IQCM: variants seen among roughly 807,000 people sequenced by gnomAD.
IQCM encodes IQ motif containing M, also known as IQ domain-containing protein M.
IQCM carries 45 observed loss-of-function variants against 57.6 expected under a neutral mutation model. That is an observed-to-expected ratio of 0.78 (90% CI 0.62 to 1.00). IQCM has a LOEUF of 1.00. Ranked by LOEUF, IQCM falls within the 50% of genes least tolerant of loss-of-function variation. IQCM has a pLI of 0.00. For missense variants in IQCM, 468 were observed against 511.6 expected (o/e 0.91, Z 0.82); for synonymous variants, 148 against 158.9 (o/e 0.93, Z 0.51).
intron 7 of IQCM, among the ~76,000 whole-genome samples, chr4:149,665,156 G>C (rs1760600250): frequency 1.3e-5 from 2 of 152,076 alleles, no homozygotes; most frequent in Admixed American, 1.3e-4. Context: ...TCTGGTAGTA[G>C]GTCCAGCTTC....
chr4:149,752,820 TAAAAA>T (rs1768583669), intron 2 of IQCM, among the ~76,000 whole-genome samples: 4 of 152,018 alleles, frequency 2.6e-5, no homozygotes. Context: ...AATGACTAGC[TAAAAA>T]GAGGTAGAAA....
At chr4:149,807,352 A>G (rs1442227545) in intron 2 of IQCM, among the ~76,000 whole-genome samples, 1 of 152,046 alleles carries the variant, frequency 6.6e-6, no homozygotes, top group Non-Finnish European at 1.5e-5. Flanking sequence ...TTTTAAATAA[A>G]TTGTGCTGGG....
intron 12 of IQCM, among the ~76,000 whole-genome samples, chr4:149,498,280 T>C (rs1028535199): frequency 2.0e-5 from 3 of 152,064 alleles, no homozygotes; most frequent in African/African-American, 7.2e-5. Context: ...GAGACCAACA[T>C]TTTATTTCTG....
chr4:149,795,969 T>C (rs1773072169), intron 2 of IQCM, among the ~76,000 whole-genome samples: 1 of 152,178 alleles, frequency 6.6e-6, no homozygotes, highest in African/African-American at 2.4e-5. Flanking sequence ...CTCTGAGACT[T>C]GCTGGCTCTA....
chr4:149,355,782 T>A (rs1326850496), intron 13 of IQCM, among the ~76,000 whole-genome samples: 3 of 152,150 alleles, frequency 2.0e-5, no homozygotes, highest in Non-Finnish European at 4.4e-5. Flanking sequence ...CTGGGTCAAA[T>A]GGTATTTCTA....
intron 5 of IQCM, among the ~76,000 whole-genome samples, chr4:149,722,840 G>GTAATT (rs1399823884): frequency 6.6e-6 from 1 of 151,970 alleles, no homozygotes; most frequent in East Asian, 1.9e-4. Context: ...AAAGATATTA[G>GTAATT]TAATTTTATC....
At chr4:149,560,149 TTTG>T (rs1429373000) in intron 10 of IQCM, among the ~76,000 whole-genome samples, 1 of 152,194 alleles carries the variant, frequency 6.6e-6, no homozygotes, top group Non-Finnish European at 1.5e-5. Context: ...AGATTCAGAT[TTTG>T]TTATTATTTC....
At chr4:149,685,520 T>G (rs1762485409) in intron 6 of IQCM, among the ~76,000 whole-genome samples, 1 of 151,462 alleles carries the variant, frequency 6.6e-6, no homozygotes. Context: ...GCCAAGAAAG[T>G]GGTTACCCTG....
At chr4:149,507,069 C>T (rs773928817) in intron 12 of IQCM, among the ~76,000 whole-genome samples, 28 of 152,202 alleles carry the variant, frequency 1.8e-4, no homozygotes, top group African/African-American at 5.8e-4. Flanking sequence ...AGTTTTCTTG[C>T]GCAAGCTTTC....
intron 6 of IQCM, 114 bp downstream of exon 6, chr4:149,686,264 T>C (rs778722002): frequency 2.3e-6 from 1 of 431,556 alleles, no homozygotes. Flanking sequence ...ATAAATTAGC[T>C]TCATGTATGG....
At chr4:149,612,875 C>T (rs557458830) in intron 8 of IQCM, among the ~76,000 whole-genome samples, 1 of 151,822 alleles carries the variant, frequency 6.6e-6, no homozygotes, top group Non-Finnish European at 1.5e-5. Context: ...AAAACAAACA[C>T]AAAACATAGA....
chr4:149,560,943 C>A (rs973150458), intron 10 of IQCM, among the ~76,000 whole-genome samples: 5 of 152,088 alleles, frequency 3.3e-5, no homozygotes, highest in Admixed American at 1.3e-4. Context: ...AGAATTCCCC[C>A]AACAGCAACC....
At chr4:149,610,273 A>C (rs574451869) in intron 8 of IQCM, among the ~76,000 whole-genome samples, 1 of 152,200 alleles carries the variant, frequency 6.6e-6, no homozygotes, top group Admixed American at 6.6e-5. Flanking sequence ...AATTGGAAGA[A>C]TCAATTTTGT....
At chr4:149,674,554 G>T (rs1398710603) in intron 7 of IQCM, among the ~76,000 whole-genome samples, 2 of 152,094 alleles carry the variant, frequency 1.3e-5, no homozygotes, top group African/African-American at 2.4e-5. Context: ...AGTAGTCAGG[G>T]ATGGCCTTAC....
intron 13 of IQCM, among the ~76,000 whole-genome samples, chr4:149,390,429 T>G (rs1249409668): frequency 6.6e-6 from 1 of 151,872 alleles, no homozygotes; most frequent in African/African-American, 2.4e-5. Flanking sequence ...TTTTTTTTTT[T>G]CTAATTATCC....
chr4:149,793,279 A>G (rs1772808425), intron 2 of IQCM, among the ~76,000 whole-genome samples: 1 of 152,162 alleles, frequency 6.6e-6, no homozygotes, highest in African/African-American at 2.4e-5. Context: ...CAGGGTCAGA[A>G]CCACCTCAAA....
intron 12 of IQCM, among the ~76,000 whole-genome samples, chr4:149,543,003 A>G (rs1748008071): frequency 6.6e-6 from 1 of 152,104 alleles, no homozygotes; most frequent in South Asian, 2.1e-4. Flanking sequence ...AATCTAAGCC[A>G]TTATGATATA....
At position 149,559,833 on chromosome 4, in the gene IQCM, G is replaced by A. The variant is rs538912152; in HGVS notation, c.948+3859C>T. Among the ~76,000 whole-genome samples the A allele has an allele frequency of 2.0e-5, 3 of 152,332 alleles. No homozygotes were observed. In the South Asian group the frequency reaches 6.2e-4, roughly 32 times the overall value. On this transcript the variant is annotated intron_variant, in intron 10 of 13. Coordinates refer to ENST00000636793, the MANE Select transcript of IQCM (RefSeq NM_001363507.2). ...CTGTTGGGAACCAGGCTTCACAGCAGGAGGTGAATTGTGGGTGAGAGAGCA... is the reference window on the plus strand; with the variant it reads ...CTGTTGGGAACCAGGCTTCACAGCAAGAGGTGAATTGTGGGTGAGAGAGCA...
intron 12 of IQCM, among the ~76,000 whole-genome samples, chr4:149,457,423 G>A (rs1026032136): frequency 2.0e-5 from 3 of 152,054 alleles, no homozygotes; most frequent in African/African-American, 7.2e-5. Context: ...ACTGAATAGT[G>A]TGCTTGCTCT....
Sources: gnomAD v4.1 joint callset for allele counts (sites outside exome capture counted in the v4.1 genomes callset) on GRCh38, gnomAD v4.1.1 for gene constraint, MANE v1.5 for transcripts, NCBI Gene and HGNC (gene_info 2026-07-23, HGNC 2026-07-21) for gene names.